The following PLXNC1 variants were observed in gnomAD, a reference collection of about 807,000 sequenced individuals.
PLXNC1 encodes the protein plexin-C1.
In PLXNC1, 75 loss-of-function variants were observed where a neutral mutation model predicts 178.2. The observed-to-expected ratio is 0.42, with a 90% confidence interval of 0.35 to 0.51. The LOEUF is 0.51. Ranked by LOEUF, PLXNC1 falls within the 20% of genes least tolerant of loss-of-function variation. The pLI is 0.02. For missense variants in PLXNC1, 1,503 were observed against 1,984.4 expected, an observed-to-expected ratio of 0.76 and a Z score of 4.61; for synonymous variants, 790 against 779.9, an observed-to-expected ratio of 1.01 and a Z score of -0.22.
chr12:94,186,976 C>T (rs558928353), intron 4 of PLXNC1, among the ~76,000 whole-genome samples: 64 of 152,368 alleles, frequency 4.2e-4, no homozygotes, highest in African/African-American at 1.5e-3. Context: ...GCAGAATCTG[C>T]CCAGCCTGGT....
At chr12:94,254,746 G>A in intron 15 of PLXNC1, 41 bp from the exon 16 acceptor site, 2 of 1,449,056 alleles carry the variant, frequency 1.4e-6, no homozygotes, top group African/African-American at 1.4e-5. Flanking sequence ...TTTGGTTTTT[G>A]AGTTACCATG....
intron 5 of PLXNC1, 56 bp from the exon 6 acceptor site, chr12:94,219,960 G>C: frequency 1.9e-6 from 3 of 1,568,346 alleles, no homozygotes; most frequent in Non-Finnish European, 2.6e-6. Context: ...GAGGCTCTAT[G>C]ATGGATGGAA....
At chr12:94,219,806 TA>T (rs869142075) in intron 5 of PLXNC1, among the ~76,000 whole-genome samples, 1 of 30,788 alleles carries the variant, frequency 3.2e-5, no homozygotes, top group African/African-American at 3.6e-4. Flanking sequence ...TTTATATTTT[TA>T]TTTATTTATT....
intron 24 of PLXNC1, among the ~76,000 whole-genome samples, chr12:94,296,145 T>G (rs1967898636): frequency 6.6e-6 from 1 of 152,118 alleles, no homozygotes; most frequent in East Asian, 1.9e-4. Flanking sequence ...TCCATTAGCA[T>G]TTCAAGATGT....
intron 10 of PLXNC1, 92 bp downstream of exon 10, chr12:94,237,895 C>A: frequency 7.8e-7 from 1 of 1,287,474 alleles, no homozygotes; most frequent in African/African-American, 1.5e-5. Flanking sequence ...TTAATATAGT[C>A]AAATTATTGC....
chr12:94,259,927 A>C (rs1964949866), intron 19 of PLXNC1, among the ~76,000 whole-genome samples, 193 bp downstream of exon 19: 1 of 152,130 alleles, frequency 6.6e-6, no homozygotes, highest in Admixed American at 6.6e-5. Flanking sequence ...GAGAGAAATC[A>C]AACCTGAGTC....
Position 94,275,716 on chromosome 12 carries a change from G to C in PLXNC1, c.3598-3756G>C, listed in dbSNP as rs973761941. 2.3e-5 allele frequency among the ~76,000 whole-genome samples: 3 copies of C among 129,602 alleles called. 1 individual carries two copies. The highest frequency in any genetic ancestry group is 8.0e-5 in the Admixed American group (1 of 12,436). The allele number at this position is 129,602 out of a possible 152,430, so 85.0% of individuals were successfully genotyped here. On this transcript the variant is annotated intron_variant, in intron 21 of 30. Coordinates refer to ENST00000258526, the MANE Select transcript of PLXNC1 (RefSeq NM_005761.3). ...AAAAAATACAAAAAATTAGCCGGGC[G>C]TAGTGGCGGGCGCCTGTAGTCCCAG...
chr12:94,149,446 C>T lies in PLXNC1; in HGVS notation c.475C>T (p.Gln159Ter). The T allele has an allele frequency of 6.8e-7, 1 of 1,462,882 alleles. No individual in the cohort carries two copies. The allele number at this position is 1,462,882 out of a possible 1,614,324, so 90.6% of individuals were successfully genotyped here. Reference sequence around the variant, plus strand: ...CACCGAGGTGGTGTCGTGCCACCCGCAGGGCTCGACGGCCGGCGTGGTGTA... The same window carrying T: ...CACCGAGGTGGTGTCGTGCCACCCGTAGGGCTCGACGGCCGGCGTGGTGTA... ...NGTEVVSCHPQGSTAGVVYRA... is the reference protein window; with the variant it reads ...NGTEVVSCHP Residue 159 changes from glutamine (Q) to a stop codon, truncating the protein, a stop_gained, in exon 1 of 31, where the codon CAG (glutamine) becomes TAG (stop). Transcript: ENST00000258526. LOFTEE classifies it high-confidence loss of function.
At chr12:94,230,922 T>A (rs868478814) in intron 9 of PLXNC1, among the ~76,000 whole-genome samples, 32 of 152,196 alleles carry the variant, frequency 2.1e-4, no homozygotes, top group African/African-American at 7.7e-4. Flanking sequence ...ACCTATTAGA[T>A]GCAAGTATAC....
chr12:94,252,087 T>C (rs1308883872), intron 15 of PLXNC1, among the ~76,000 whole-genome samples: 1 of 152,226 alleles, frequency 6.6e-6, no homozygotes, highest in Non-Finnish European at 1.5e-5. Context: ...ATTTGAGGGA[T>C]ATAATCTACT....
intron 4 of PLXNC1, among the ~76,000 whole-genome samples, chr12:94,191,585 A>G (rs1962725312): frequency 6.6e-6 from 1 of 152,072 alleles, no homozygotes; most frequent in African/African-American, 2.4e-5. Context: ...AGAGTTCAAC[A>G]CCAGCCTGGC....
rs1001417095 is a variant in PLXNC1 at position 94,306,001 on chromosome 12, A to G, written c.*716A>G. The G allele has an allele frequency of 1.3e-5, 2 of 152,152 alleles. No individual in the cohort carries two copies. Among genetic ancestry groups the G allele is most frequent in the African/African-American group, 4.8e-5 (2 of 41,446 alleles). The allele number at this position is 152,152 out of a possible 1,614,324, so 9.4% of individuals were successfully genotyped here. On this transcript the variant is annotated 3_prime_UTR_variant, in exon 31 of 31. Coordinates refer to ENST00000258526, the MANE Select transcript of PLXNC1 (RefSeq NM_005761.3). Reference sequence around the variant, plus strand: ...TAAATGAACAGCATTTTAACCAGATACTTTGTCCTAATGTATGTTCCTTTT... The same window carrying G: ...TAAATGAACAGCATTTTAACCAGATGCTTTGTCCTAATGTATGTTCCTTTT...
chr12:94,246,987 C>A (rs1014819444), intron 12 of PLXNC1, among the ~76,000 whole-genome samples: 4 of 152,180 alleles, frequency 2.6e-5, no homozygotes, highest in African/African-American at 9.7e-5. Flanking sequence ...CCATCCTCCC[C>A]TAACCCACCA....
At chr12:94,231,761 C>T (rs1468156275) in intron 9 of PLXNC1, among the ~76,000 whole-genome samples, 4 of 152,180 alleles carry the variant, frequency 2.6e-5, no homozygotes, top group Admixed American at 2.0e-4. Flanking sequence ...GACCGTCTGT[C>T]TGTTTCTTTC....
chr12:94,298,615 T>C lies in PLXNC1; in HGVS notation c.4075-17T>C. On this transcript the variant is annotated splice_polypyrimidine_tract_variant and intron_variant, in intron 26 of 30. Coordinates refer to ENST00000258526, the MANE Select transcript of PLXNC1 (RefSeq NM_005761.3). ...ACAGTTTTTAATCTCCCAAATCTGA[T>C]GTTGTCTATCTTTCAGGTGGCAATT... 6.4e-7 allele frequency: 1 copy of C among 1,569,790 alleles called. No homozygotes were observed. The highest frequency in any genetic ancestry group is 8.6e-7 in the Non-Finnish European group (1 of 1,163,336).
At chr12:94,287,319 G>C (rs1354585467) in intron 23 of PLXNC1, among the ~76,000 whole-genome samples, 1 of 152,212 alleles carries the variant, frequency 6.6e-6, no homozygotes, top group Non-Finnish European at 1.5e-5. Flanking sequence ...GAAGGGGACT[G>C]TGCTTTGCTC....
rs113478792 is a variant in PLXNC1 at position 94,260,162 on chromosome 12, C to G, written c.3251+428C>G. On this transcript the variant is annotated intron_variant, in intron 19 of 30. Coordinates refer to ENST00000258526, the MANE Select transcript of PLXNC1 (RefSeq NM_005761.3). The surrounding 1 kb of genome is among the most constrained non-coding windows in gnomAD (Gnocchi z 4.4). ...CATCCTCCTGGGCTCAAGCTACCCT[C>G]CTGCCTCAGCCTCCCCAAGTAGCTG... Among the ~76,000 whole-genome samples the G allele has an allele frequency of 6.5e-3, 986 of 152,194 alleles. 14 individuals are homozygous for G. Among genetic ancestry groups the G allele is most frequent in the African/African-American group, 0.023 (941 of 41,514 alleles).
rs1193695539 is a variant in PLXNC1 at position 94,182,881 on chromosome 12, A to ATCTG, written c.1338+1304_1338+1305insGTCT. Among the ~76,000 whole-genome samples the ATCTG allele has an allele frequency of 1.3e-3, 189 of 145,926 alleles. 1 individual carries two copies. The highest frequency in any genetic ancestry group is 3.6e-3 in the Middle Eastern group (1 of 280). ...TCTGTATCTATCTATCTATCTATCTATCTATCTATCTATCTATCTATCTAT... is the reference window on the plus strand; with the variant it reads ...TCTGTATCTATCTATCTATCTATCTATCTGTCTATCTATCTATCTATCTATCTAT... On this transcript the variant is annotated intron_variant, in intron 3 of 30. Coordinates refer to ENST00000258526, the MANE Select transcript of PLXNC1 (RefSeq NM_005761.3).
intron 9 of PLXNC1, among the ~76,000 whole-genome samples, chr12:94,230,053 A>G (rs976633850): frequency 6.6e-5 from 10 of 152,160 alleles, no homozygotes; most frequent in African/African-American, 2.2e-4. Context: ...CTATCATCAC[A>G]AGGCTCCCCA....
Sources: gnomAD v4.1 joint callset for allele counts (sites outside exome capture counted in the v4.1 genomes callset) on GRCh38, gnomAD v4.1.1 for gene constraint, Gnocchi (gnomAD v3.1) non-coding constraint, MANE v1.5 for transcripts, NCBI Gene and HGNC (gene_info 2026-07-23, HGNC 2026-07-21) for gene names.